CADM2: variants seen among roughly 807,000 people sequenced by gnomAD.
CADM2 encodes cell adhesion molecule 2.
CADM2 carries 12 observed loss-of-function variants against 49.8 expected under a neutral mutation model. The ratio of observed to expected loss-of-function variants is 0.24; its 90% confidence interval spans 0.15 to 0.39. CADM2 has a LOEUF of 0.39. Ranked by LOEUF, CADM2 falls within the 10% of genes least tolerant of loss-of-function variation. CADM2 has a pLI of 1.00. For missense variants in CADM2, 378 were observed against 492.3 expected, an observed-to-expected ratio of 0.77 and a Z score of 2.20; for synonymous variants, 214 against 175.4, an observed-to-expected ratio of 1.22 and a Z score of -1.74.
intron 3 of CADM2, among the ~76,000 whole-genome samples, chr3:85,808,644 T>C (rs2072613162): frequency 6.6e-6 from 1 of 152,192 alleles, no homozygotes; most frequent in South Asian, 2.1e-4. Flanking sequence ...TCTGTGAGCT[T>C]GTATGTGTTT....
At chr3:85,589,125 T>C (rs899685969) in intron 1 of CADM2, among the ~76,000 whole-genome samples, 11 of 151,972 alleles carry the variant, frequency 7.2e-5, no homozygotes, top group African/African-American at 2.7e-4. Flanking sequence ...GGGAATACTC[T>C]AAAGGAGAGA....
rs193133853 is a variant in CADM2 at position 85,014,094 on chromosome 3, A to T, written c.61+54426A>T. On this transcript the variant is annotated intron_variant, in intron 1 of 9. Transcript: ENST00000383699. ...TGTATATTATATATACGCAGTGTAA[A>T]ATTGTATATTATATATACGCAGTGT... Among the ~76,000 whole-genome samples, 272 of 139,028 alleles carry T rather than the reference A, an allele frequency of 2.0e-3. 2 individuals are homozygous for T. Among genetic ancestry groups the T allele is most frequent in the East Asian group, 9.7e-3 (42 of 4,346 alleles). 91.2% of individuals were successfully genotyped at this position (139,028 alleles called of 152,430 possible).
chr3:86,063,346 T>A (rs1738919525), intron 8 of CADM2, among the ~76,000 whole-genome samples: 1 of 152,184 alleles, frequency 6.6e-6, no homozygotes, highest in Non-Finnish European at 1.5e-5. Flanking sequence ...AAACCAAGAA[T>A]GGTATACACA....
intron 7 of CADM2, among the ~76,000 whole-genome samples, chr3:85,951,276 A>G (rs1182646363): frequency 6.6e-6 from 1 of 151,084 alleles, no homozygotes. Flanking sequence ...TTTCTCACAC[A>G]CAAATGCACA....
Position 86,067,067 on chromosome 3 carries a change from C to A in CADM2, c.*284C>A, listed in dbSNP as rs574233650. ...CAGCCTTAACAATGTTAATCATCTC[C>A]TTGGATCATTATATTGAGTGGTTTT... On this transcript the variant is annotated 3_prime_UTR_variant, in exon 10 of 10. Transcript: ENST00000383699. 5.3e-5 allele frequency: 17 copies of A among 321,064 alleles called. No homozygotes were observed. In the East Asian group the frequency reaches 8.7e-4, roughly 16 times the overall value. 19.9% of individuals were successfully genotyped at this position (321,064 alleles called of 1,614,324 possible).
chr3:85,444,682 A>G (rs2037365524), intron 1 of CADM2, among the ~76,000 whole-genome samples: 1 of 152,180 alleles, frequency 6.6e-6, no homozygotes, highest in South Asian at 2.1e-4. Flanking sequence ...GTCTGTCAAC[A>G]TATAACATAC....
chr3:84,969,756 A>T (rs7646284), intron 1 of CADM2, among the ~76,000 whole-genome samples: 3,660 of 152,026 alleles, frequency 0.024, 157 homozygotes, highest in African/African-American at 0.083. Flanking sequence ...TACTTAACAA[A>T]AATATGAATT....
At chr3:85,030,873 T>C (rs1031039871) in intron 1 of CADM2, among the ~76,000 whole-genome samples, 3 of 152,186 alleles carry the variant, frequency 2.0e-5, no homozygotes, top group Non-Finnish European at 4.4e-5. Context: ...GTATCAGTCA[T>C]GGTTGCAGCA....
At chr3:85,107,401 G>T (rs2038271979) in intron 1 of CADM2, among the ~76,000 whole-genome samples, 1 of 152,030 alleles carries the variant, frequency 6.6e-6, no homozygotes, top group Non-Finnish European at 1.5e-5. Context: ...AAGCCACAAT[G>T]ATATACCACT....
intron 1 of CADM2, among the ~76,000 whole-genome samples, chr3:85,314,303 A>G (rs2044415129): frequency 6.6e-6 from 1 of 151,948 alleles, no homozygotes; most frequent in Non-Finnish European, 1.5e-5. Context: ...ATAGACCAGT[A>G]TTGCTTTATG....
At chr3:85,752,546 G>T (rs2068910871) in intron 2 of CADM2, among the ~76,000 whole-genome samples, 1 of 151,976 alleles carries the variant, frequency 6.6e-6, no homozygotes. Flanking sequence ...AGGTCAGCAT[G>T]TGGGATTTGG....
intron 1 of CADM2, among the ~76,000 whole-genome samples, chr3:85,232,363 A>T (rs2042313651): frequency 6.6e-6 from 1 of 152,076 alleles, no homozygotes; most frequent in Non-Finnish European, 1.5e-5. Context: ...TATATCTCAT[A>T]CAAATATACA....
chr3:84,984,773 G>C (rs980630668), intron 1 of CADM2, among the ~76,000 whole-genome samples: 3 of 151,938 alleles, frequency 2.0e-5, no homozygotes, highest in South Asian at 2.1e-4. Flanking sequence ...ATTCTCTAAG[G>C]GTTCTATTTC....
At chr3:85,200,494 A>G (rs1477234054) in intron 1 of CADM2, among the ~76,000 whole-genome samples, 1 of 152,120 alleles carries the variant, frequency 6.6e-6, no homozygotes, top group Non-Finnish European at 1.5e-5. Context: ...ACTTGGACTG[A>G]GTATATGAAT....
chr3:85,322,544 T>C (rs1163330338), intron 1 of CADM2, among the ~76,000 whole-genome samples: 1 of 152,216 alleles, frequency 6.6e-6, no homozygotes, highest in African/African-American at 2.4e-5. Context: ...TGCCTGTGAC[T>C]TTTCACCAGG....
intron 1 of CADM2, among the ~76,000 whole-genome samples, chr3:85,156,940 C>G (rs202152056): frequency 6.6e-6 from 1 of 152,108 alleles, no homozygotes; most frequent in Non-Finnish European, 1.5e-5. Flanking sequence ...CTAGAAAACC[C>G]CATTGTCTCA....
chr3:85,490,256 G>A (rs1284601909), intron 1 of CADM2, among the ~76,000 whole-genome samples: 2 of 152,018 alleles, frequency 1.3e-5, no homozygotes, highest in African/African-American at 4.8e-5. Context: ...CACACCTAAG[G>A]TTATAGACTC....
chr3:85,283,098 T>C (rs1344992988), intron 1 of CADM2, among the ~76,000 whole-genome samples: 1 of 152,102 alleles, frequency 6.6e-6, no homozygotes, highest in Non-Finnish European at 1.5e-5. Context: ...GTATATTTAC[T>C]GGTATGGCAA....
intron 5 of CADM2, among the ~76,000 whole-genome samples, chr3:85,903,441 T>C (rs995062523): frequency 8.5e-5 from 13 of 152,160 alleles, no homozygotes; most frequent in Admixed American, 1.3e-4. Context: ...TCACCTTCAT[T>C]TTTGAAAAAT....
Sources: allele counts gnomAD v4.1 joint callset (sites outside exome capture counted in the v4.1 genomes callset), GRCh38; gene constraint gnomAD v4.1.1; transcripts MANE v1.5; gene names NCBI Gene and HGNC (gene_info 2026-07-23, HGNC 2026-07-21).